Variants in KCTD1 observed in about 807,000 individuals in gnomAD.
KCTD1 encodes BTB/POZ domain-containing protein KCTD1.
A neutral mutation model predicts 66.0 loss-of-function variants in KCTD1; 24 were observed. The observed-to-expected ratio is 0.36, with a 90% CI of 0.26 to 0.51. The LOEUF (loss-of-function observed/expected upper bound fraction) is 0.51. Ranked by LOEUF, KCTD1 falls within the 20% of genes least tolerant of loss-of-function variation. The pLI is 0.95. For synonymous variants in KCTD1, 511 were observed against 517.2 expected, an observed-to-expected ratio of 0.99 and a Z score of 0.16; for missense variants, 943 against 1,205.2, an observed-to-expected ratio of 0.78 and a Z score of 3.22.
At chr18:26,551,112 T>G (rs1390326201), upstream of KCTD1, among the ~76,000 whole-genome samples, 1 of 152,130 alleles carries the variant, frequency 6.6e-6, no homozygotes, top group Admixed American at 6.5e-5. Flanking sequence ...CCCTCCCTAC[T>G]GGGCGAGCTG....
Position 26,588,024 on chromosome 18 carries a change from A to G in KCTD1, c.-16+41123T>C, listed in dbSNP as rs569891565. Among the ~76,000 whole-genome samples, 17 of 152,366 alleles carry G rather than the reference A, an allele frequency of 1.1e-4. No homozygotes were observed. The South Asian group carries it at 3.3e-3, about 30-fold the overall frequency. Reference sequence around the variant, plus strand: ...TGAGACAACTGACACCAATTTTGAAAGAAGTCCTACTGTGGGTAAAATGCC... The same window carrying G: ...TGAGACAACTGACACCAATTTTGAAGGAAGTCCTACTGTGGGTAAAATGCC... On this transcript the variant is annotated intron_variant, in intron 1 of 4. Transcript: ENST00000317932.
intron 1 of KCTD1, among the ~76,000 whole-genome samples, chr18:26,627,501 A>G (rs1424577508): frequency 1.3e-5 from 2 of 152,200 alleles, no homozygotes; most frequent in Admixed American, 6.5e-5. Context: ...ATTTTAAATG[A>G]CAATATAGTT....
chr18:26,632,657 A>G (rs994647110), upstream of KCTD1, among the ~76,000 whole-genome samples: 1 of 152,216 alleles, frequency 6.6e-6, no homozygotes, highest in Non-Finnish European at 1.5e-5. Flanking sequence ...TTTAGCTTTT[A>G]TCTGTTCTAA....
At chr18:26,552,573 G>A (rs1439874129), upstream of KCTD1, among the ~76,000 whole-genome samples, 13 of 152,236 alleles carry the variant, frequency 8.5e-5, no homozygotes, top group Non-Finnish European at 1.6e-4. Flanking sequence ...ATTATTGTTT[G>A]CAAGTTAAAA....
intron 4 of KCTD1, chr18:26,457,617 T>C (rs1980164590): frequency 6.6e-6 from 1 of 152,264 alleles, no homozygotes; most frequent in Admixed American, 6.5e-5. Flanking sequence ...TGATCCAATG[T>C]TACCTTGGAT....
At chr18:26,566,526 C>G (rs967792584) in intron 1 of KCTD1, 2 of 152,200 alleles carry the variant, frequency 1.3e-5, no homozygotes, top group Non-Finnish European at 2.9e-5. Context: ...GAGAAGACAG[C>G]TCTAGAATTG....
intron 2 of KCTD1, among the ~76,000 whole-genome samples, chr18:26,489,418 AG>A (rs909923617): frequency 2.0e-5 from 3 of 152,136 alleles, no homozygotes; most frequent in African/African-American, 7.2e-5. Context: ...TACTACTCAT[AG>A]GAAGTTTGGG....
chr18:26,509,927 C>A (rs1001779898), intron 1 of KCTD1, among the ~76,000 whole-genome samples: 5 of 152,182 alleles, frequency 3.3e-5, no homozygotes, highest in Non-Finnish European at 5.9e-5. Flanking sequence ...AATCGCCCTA[C>A]CTGACAGAGG....
Position 26,548,228 on chromosome 18 carries a change from C to G in KCTD1, c.309G>C (p.Glu103Asp). 6.6e-7 allele frequency: 1 copy of G among 1,510,568 alleles called. No homozygotes were observed. Among genetic ancestry groups the G allele is most frequent in the South Asian group, 1.2e-5 (1 of 80,692 alleles). The allele number at this position is 1,510,568 out of a possible 1,614,324, so 93.6% of individuals were successfully genotyped here. Residue 103 changes from glutamate (E) to aspartate (D), a missense_variant, in exon 1 of 5, where the codon GAG becomes GAC. Physicochemically the swap from Glu to Asp is conservative, Grantham distance 45 (BLOSUM62 2). Coordinates refer to ENST00000580059, the MANE Select transcript of KCTD1 (RefSeq NM_001142730.3). Reference sequence around the variant, plus strand: ...CGGCCGAGTCCTCGGGCTCCAGGGGCTCGTCCCAGTCCAGCCCCATCTCCT... The same window carrying G: ...CGGCCGAGTCCTCGGGCTCCAGGGGGTCGTCCCAGTCCAGCCCCATCTCCT... The part of the protein sequence containing the change: ...EEEEMGLDWD[E>D]PLEPEDSAGE...
chr18:26,586,178 C>A (rs933956096), intron 1 of KCTD1, among the ~76,000 whole-genome samples: 5 of 152,312 alleles, frequency 3.3e-5, no homozygotes, highest in South Asian at 2.1e-4. Flanking sequence ...CAATCAGCAC[C>A]ATTTTCCCAA....
chr18:26,583,699 A>G (rs1445353316), intron 1 of KCTD1, among the ~76,000 whole-genome samples: 2 of 152,200 alleles, frequency 1.3e-5, no homozygotes, highest in African/African-American at 2.4e-5. Flanking sequence ...CAAAAATACA[A>G]TGAGGTCACT....
exon 1 of KCTD1, chr18:26,629,184 C>G (rs1987565617): frequency 1.0e-6 from 1 of 985,236 alleles, no homozygotes; most frequent in South Asian, 4.7e-5. Context: ...TCTGCACCCT[C>G]CGTCCCAGTT....
At chr18:26,608,963 G>C (rs925863384) in intron 1 of KCTD1, among the ~76,000 whole-genome samples, 1 of 152,166 alleles carries the variant, frequency 6.6e-6, no homozygotes, top group African/African-American at 2.4e-5. Context: ...ATCGCATTCT[G>C]GTGGGGCTCA....
rs970404284 is a variant in KCTD1 at position 26,612,467 on chromosome 18, G to A, written c.-16+16680C>T. Among the ~76,000 whole-genome samples, 8 of 152,090 alleles carry A rather than the reference G, an allele frequency of 5.3e-5. No individual in the cohort carries two copies. The East Asian group carries it at 5.8e-4, about 11-fold the overall frequency. On this transcript the variant is annotated intron_variant, in intron 1 of 4. Transcript: ENST00000317932. ...GAATGGGTCCTAATCCAATAGGACCGGTGTCTTTGTAAGAAGAGGAAACTT... is the reference window on the plus strand; with the variant it reads ...GAATGGGTCCTAATCCAATAGGACCAGTGTCTTTGTAAGAAGAGGAAACTT...
At chr18:26,583,408 A>G (rs899774676) in intron 1 of KCTD1, among the ~76,000 whole-genome samples, 3 of 151,306 alleles carry the variant, frequency 2.0e-5, no homozygotes, top group Non-Finnish European at 2.9e-5. Context: ...AAAAAAAAAA[A>G]AAAAAAAAAG....
intron 1 of KCTD1, among the ~76,000 whole-genome samples, chr18:26,588,403 C>T (rs561787096): frequency 3.4e-4 from 51 of 152,222 alleles, no homozygotes; most frequent in African/African-American, 1.1e-3. Context: ...TAGGAACCCC[C>T]GGGGTCCCTG....
chr18:26,647,854 G>A (rs1321602134), intron 1 of KCTD1, among the ~76,000 whole-genome samples: 4 of 150,492 alleles, frequency 2.7e-5, no homozygotes, highest in African/African-American at 7.3e-5. Flanking sequence ...TTTTGTTTTT[G>A]GAGACAGAGT....
At chr18:26,513,125 T>C (rs972971527) in intron 1 of KCTD1, among the ~76,000 whole-genome samples, 3 of 150,748 alleles carry the variant, frequency 2.0e-5, no homozygotes, top group Admixed American at 1.3e-4. Flanking sequence ...TCTCGCTGTG[T>C]TGCCCAGGCT....
intron 1 of KCTD1, among the ~76,000 whole-genome samples, chr18:26,604,273 C>T: frequency 6.6e-6 from 1 of 152,068 alleles, no homozygotes; most frequent in East Asian, 1.9e-4. Flanking sequence ...CAGATTCTGG[C>T]AAGGTTGTGG....
Sources: allele counts gnomAD v4.1 joint callset (sites outside exome capture counted in the v4.1 genomes callset), GRCh38; gene constraint gnomAD v4.1.1; transcripts MANE v1.5; gene names NCBI Gene and HGNC (gene_info 2026-07-23, HGNC 2026-07-21).